Variants in NBEA observed in about 807,000 individuals in gnomAD.
NBEA encodes lysosomal-trafficking regulator 2.
In NBEA, 44 loss-of-function variants were observed where a neutral mutation model predicts 343.4. The observed-to-expected ratio is 0.13, with a 90% confidence interval of 0.10 to 0.16. The LOEUF is 0.16. Ranked by LOEUF, NBEA falls within the 10% of genes least tolerant of loss-of-function variation. The pLI is 1.00. For missense variants in NBEA, 2,555 were observed against 3,631.3 expected, an observed-to-expected ratio of 0.70 and a Z score of 7.62; for synonymous variants, 1,175 against 1,238.7, an observed-to-expected ratio of 0.95 and a Z score of 1.08.
At position 35,145,079 on chromosome 13, in the gene NBEA, A is replaced by G. The variant is rs369838002; in HGVS notation, c.2445+2702A>G. 1.4e-4 allele frequency among the ~76,000 whole-genome samples: 22 copies of G among 152,308 alleles called. No individual in the cohort carries two copies. The South Asian group carries it at 2.3e-3, about 16-fold the overall frequency. ...CAGTTCAACTAATCCTGAATTGTTA[A>G]TATAAGAACAACAGGTGTGGTTTAT... On this transcript the variant is annotated intron_variant, in intron 18 of 58. Coordinates refer to ENST00000379939, the MANE Select transcript of NBEA (RefSeq NM_001385012.1).
chr13:35,337,260 G>T (rs1436325261), intron 36 of NBEA, among the ~76,000 whole-genome samples: 6 of 152,034 alleles, frequency 3.9e-5, no homozygotes, highest in Non-Finnish European at 7.4e-5. Context: ...ACTGTAAGCT[G>T]TGTACAGGAA....
rs145915485 is a variant in NBEA at position 35,393,081 on chromosome 13, A to C, written c.6180-39188A>C. Among the ~76,000 whole-genome samples the C allele has an allele frequency of 2.2e-3, 330 of 152,252 alleles. 2 individuals are homozygous for C. Among genetic ancestry groups the C allele is most frequent in the African/African-American group, 7.1e-3 (296 of 41,544 alleles). The stretch of plus-strand genomic sequence containing the variant: ...TGTTTTTTTACAACCTCTCTAGACT[A>C]ACCCTACCAATATGACTGGTTTGAA... On this transcript the variant is annotated intron_variant, in intron 38 of 58. Transcript: ENST00000379939.
At chr13:35,160,737 T>C (rs1012883937) in intron 22 of NBEA, among the ~76,000 whole-genome samples, 1 of 152,170 alleles carries the variant, frequency 6.6e-6, no homozygotes, top group African/African-American at 2.4e-5. Context: ...TTGACCTCAC[T>C]GGAATAAAGC....
chr13:35,252,937 A>C (rs1949754820), intron 34 of NBEA, among the ~76,000 whole-genome samples: 1 of 151,864 alleles, frequency 6.6e-6, no homozygotes, highest in Non-Finnish European at 1.5e-5. Context: ...CATCCTCTCT[A>C]CTCCCCACCT....
chr13:35,229,514 A>G (rs1201159536), intron 33 of NBEA, among the ~76,000 whole-genome samples: 1 of 152,040 alleles, frequency 6.6e-6, no homozygotes, highest in African/African-American at 2.4e-5. Context: ...TAAGGAGAAA[A>G]TTTTATTTAT....
At chr13:35,131,547 C>T (rs967285529) in intron 17 of NBEA, among the ~76,000 whole-genome samples, 2 of 152,158 alleles carry the variant, frequency 1.3e-5, no homozygotes, top group Non-Finnish European at 2.9e-5. Context: ...TTTATTCAAT[C>T]TGGTAACATA....
chr13:35,024,152 T>C (rs1287995570), intron 1 of NBEA, among the ~76,000 whole-genome samples: 1 of 152,136 alleles, frequency 6.6e-6, no homozygotes, highest in Non-Finnish European at 1.5e-5. Flanking sequence ...GCTGCAACCA[T>C]GTTGTTGCAA....
intron 23 of NBEA, 145 bp downstream of exon 23, chr13:35,162,112 T>G: frequency 1.5e-6 from 1 of 654,268 alleles, no homozygotes; most frequent in South Asian, 2.0e-5. Context: ...ATTAATACCA[T>G]GTACTAAATT....
At chr13:35,152,447 C>T (rs1323273322) in intron 18 of NBEA, among the ~76,000 whole-genome samples, 1 of 152,104 alleles carries the variant, frequency 6.6e-6, no homozygotes, top group Non-Finnish European at 1.5e-5. Flanking sequence ...GATGCAACAG[C>T]AGGGTTAATA....
intron 41 of NBEA, among the ~76,000 whole-genome samples, chr13:35,524,542 A>G (rs1359072088): frequency 6.6e-6 from 1 of 152,212 alleles, no homozygotes; most frequent in Non-Finnish European, 1.5e-5. Context: ...ATTCTGTGTC[A>G]TTGAATATCA....
At chr13:35,110,234 CA>C (rs1424365634) in intron 12 of NBEA, among the ~76,000 whole-genome samples, 2 of 140,548 alleles carry the variant, frequency 1.4e-5, no homozygotes, top group African/African-American at 2.6e-5. Flanking sequence ...TTTATGCAGC[CA>C]AAAAACACAT....
chr13:35,391,564 A>T (rs1401216517), intron 38 of NBEA, among the ~76,000 whole-genome samples: 2 of 152,202 alleles, frequency 1.3e-5, no homozygotes, highest in Non-Finnish European at 2.9e-5. Flanking sequence ...TTAGTTGCAT[A>T]CTTAAGCTTT....
rs73483918 is a variant in NBEA at position 35,071,897 on chromosome 13, A to G, written c.1571+1045A>G. The stretch of plus-strand genomic sequence containing the variant: ...GATATGAGATTTGTACATTTATAAC[A>G]TTCACCTCCCGTCTATGGGTCTTGC... On this transcript the variant is annotated intron_variant, in intron 10 of 58. Coordinates refer to ENST00000379939, the MANE Select transcript of NBEA (RefSeq NM_001385012.1). Among the ~76,000 whole-genome samples the G allele has an allele frequency of 6.5e-3, 991 of 152,210 alleles. 11 individuals carry two copies. The highest frequency in any genetic ancestry group is 0.023 in the African/African-American group (949 of 41,556).
At chr13:35,235,797 T>G (rs2075200190) in intron 34 of NBEA, among the ~76,000 whole-genome samples, 1 of 152,170 alleles carries the variant, frequency 6.6e-6, no homozygotes, top group African/African-American at 2.4e-5. Flanking sequence ...AGCTTCTCTG[T>G]TTACCTCACA....
chr13:35,027,462 A>T (rs913147418), intron 1 of NBEA, among the ~76,000 whole-genome samples: 3 of 151,596 alleles, frequency 2.0e-5, no homozygotes, highest in African/African-American at 7.3e-5. Context: ...ATATGCAGGG[A>T]TAACTCTTTG....
chr13:35,667,608 C>T (rs1330969719), intron 57 of NBEA, 38 bp downstream of exon 57: 1 of 1,531,758 alleles, frequency 6.5e-7, no homozygotes, highest in Non-Finnish European at 9.0e-7. Flanking sequence ...GGACTGAAGC[C>T]AAGAGATTAA....
At chr13:34,983,443 T>A (rs1399758139) in intron 1 of NBEA, among the ~76,000 whole-genome samples, 4 of 152,218 alleles carry the variant, frequency 2.6e-5, no homozygotes, top group Admixed American at 2.6e-4. Context: ...TTTGGGTTGG[T>A]TCTAAGTCTT....
At chr13:35,146,818 C>A (rs2068457246) in intron 18 of NBEA, among the ~76,000 whole-genome samples, 1 of 152,036 alleles carries the variant, frequency 6.6e-6, no homozygotes, top group Non-Finnish European at 1.5e-5. Flanking sequence ...ATATTCAGCC[C>A]TATCTCTATT....
chr13:35,578,741 G>A (rs999500610), intron 45 of NBEA, among the ~76,000 whole-genome samples: 1 of 152,152 alleles, frequency 6.6e-6, no homozygotes, highest in Admixed American at 6.5e-5. Flanking sequence ...AACATTTTAT[G>A]TGTGCAGGTT....
Sources: gnomAD v4.1 joint callset for allele counts (sites outside exome capture counted in the v4.1 genomes callset) on GRCh38, gnomAD v4.1.1 for gene constraint, MANE v1.5 for transcripts, NCBI Gene and HGNC (gene_info 2026-07-23, HGNC 2026-07-21) for gene names.